FAR1: variants seen among roughly 807,000 people sequenced by gnomAD.
The protein encoded by FAR1 is male sterility domain-containing protein 2.
A neutral mutation model predicts 61.1 loss-of-function variants in FAR1; 22 were observed. The ratio of observed to expected loss-of-function variants is 0.36; its 90% CI spans 0.26 to 0.51. The LOEUF (loss-of-function observed/expected upper bound fraction) is 0.51, where lower values mean the gene tolerates loss of function less well. Ranked by LOEUF, FAR1 falls within the 20% of genes least tolerant of loss-of-function variation. The pLI, the probability that FAR1 is intolerant of heterozygous loss-of-function variation, is 0.95. For missense variants in FAR1, 359 were observed against 626.9 expected (o/e 0.57, Z 4.56); for synonymous variants, 206 against 209.7 (o/e 0.98, Z 0.15).
At chr11:13,727,193 C>T in intron 10 of FAR1, among the ~76,000 whole-genome samples, 1 of 151,968 alleles carries the variant, frequency 6.6e-6, no homozygotes, top group East Asian at 1.9e-4. Flanking sequence ...GGAAATGTAT[C>T]AGTACGTGCA....
Position 13,732,335 on chromosome 11 carries a change from G to T in FAR1, c.*3561G>T, listed in dbSNP as rs1848737502. On this transcript the variant is annotated 3_prime_UTR_variant, in exon 12 of 12. Transcript: ENST00000354817. ...CTTTGTCTTTATTAAAGAAAAATTTGAGTAACATTAAGTTTGATGTGCTCC... is the reference window on the plus strand; with the variant it reads ...CTTTGTCTTTATTAAAGAAAAATTTTAGTAACATTAAGTTTGATGTGCTCC... 6.6e-6 allele frequency: 1 copy of T among 152,106 alleles called. No individual in the cohort carries two copies. The highest frequency in any genetic ancestry group is 1.5e-5 in the Non-Finnish European group (1 of 68,012). 9.4% of individuals were successfully genotyped at this position (152,106 alleles called of 1,614,324 possible). A position where few individuals can be genotyped will look rare whatever the true frequency, so the allele number is the denominator to read the frequency against.
rs10047421 is a variant in FAR1 at position 13,679,940 on chromosome 11, G to A, written c.-8+11134G>A. The stretch of plus-strand genomic sequence containing the variant: ...TTCCTTACTACCGAGAAGTGCCTTG[G>A]GGGGAAGTATTGGGGAAAATAGGAT... On this transcript the variant is annotated intron_variant, in intron 1 of 11. Transcript: ENST00000354817. 1.6e-4 allele frequency among the ~76,000 whole-genome samples: 24 copies of A among 152,084 alleles called. No homozygotes were observed. The East Asian group carries it at 4.3e-3, about 27-fold the overall frequency.
Position 13,728,631 on chromosome 11 carries a change from G to T in FAR1, c.1405G>T (p.Gly469Cys). The change falls in exon 12 of 12, where the codon GGT becomes TGT. Residue 469 changes from glycine (G) to cysteine (C), a missense_variant. Physicochemically the swap from Gly to Cys is radical, Grantham distance 159 (BLOSUM62 -3). Transcript: ENST00000354817. The stretch of plus-strand genomic sequence containing the variant: ...TTCCAGGTTGCGGAATATACGTTAT[G>T]GTTTTAATACTATCCTTGTGATCCT... ...HLNKLRNIRY[G>C]FNTILVILIW... 6.2e-7 allele frequency: 1 copy of T among 1,611,328 alleles called. No individual in the cohort carries two copies. The highest frequency in any genetic ancestry group is 1.1e-5 in the South Asian group (1 of 90,908).
At chr11:13,670,900 T>C (rs747864711) in intron 1 of FAR1, among the ~76,000 whole-genome samples, 2 of 152,160 alleles carry the variant, frequency 1.3e-5, no homozygotes, top group African/African-American at 4.8e-5. Context: ...AAATGGGAGA[T>C]AGAGTTTCTG....
intron 1 of FAR1, among the ~76,000 whole-genome samples, chr11:13,670,947 G>A (rs1209200230): frequency 6.6e-6 from 1 of 152,202 alleles, no homozygotes; most frequent in Non-Finnish European, 1.5e-5. Context: ...AAGAGTTATA[G>A]AGTCAAGGAC....
At chr11:13,669,011 C>T (rs1015333915) in intron 1 of FAR1, among the ~76,000 whole-genome samples, 1 of 152,160 alleles carries the variant, frequency 6.6e-6, no homozygotes, top group African/African-American at 2.4e-5. Flanking sequence ...TTTGCCCCGC[C>T]GCCGCCCTTC....
At position 13,731,533 on chromosome 11, in the gene FAR1, C is replaced by A. The variant is rs1185928703; in HGVS notation, c.*2759C>A. 6.6e-6 allele frequency: 1 copy of A among 152,388 alleles called. No homozygotes were observed. The highest frequency in any genetic ancestry group is 1.5e-5 in the Non-Finnish European group (1 of 67,984). The allele number at this position is 152,388 out of a possible 1,614,324, so 9.4% of individuals were successfully genotyped here. On this transcript the variant is annotated 3_prime_UTR_variant, in exon 12 of 12. Transcript: ENST00000354817. ...TTGTATTTTTATGTTCTGAAAATTA[C>A]CCATGGAACAATATGCTTAGGATTA...
Position 13,712,124 on chromosome 11 carries a change from TA to T in FAR1, c.887+80del, listed in dbSNP as rs1447323706. ...GACATAGCTTTTGAGTAATGTTAAT[TA>T]ATCCCTCTATCCAGATATTGCCATA... On this transcript the variant is annotated intron_variant, in intron 7 of 11. Coordinates refer to ENST00000354817, the MANE Select transcript of FAR1 (RefSeq NM_032228.6). 7.1e-6 allele frequency: 7 copies of T among 992,018 alleles called. No individual in the cohort carries two copies. The East Asian group carries it at 1.7e-4, about 24-fold the overall frequency. The allele number at this position is 992,018 out of a possible 1,614,324, so 61.5% of individuals were successfully genotyped here. A position where few individuals can be genotyped will look rare whatever the true frequency, so the allele number is the denominator to read the frequency against.
chr11:13,693,239 G>GA (rs770290556), intron 1 of FAR1, among the ~76,000 whole-genome samples: 3 of 152,220 alleles, frequency 2.0e-5, no homozygotes, highest in Non-Finnish European at 4.4e-5. Flanking sequence ...GAAAGTTTAT[G>GA]AATTTGTGTT....
intron 1 of FAR1, among the ~76,000 whole-genome samples, chr11:13,678,639 A>C (rs546544172): frequency 6.6e-6 from 1 of 152,274 alleles, no homozygotes; most frequent in South Asian, 2.1e-4. Context: ...CTGGTTTAGT[A>C]ATCCTTGAGC....
At chr11:13,692,442 T>C (rs921027015) in intron 1 of FAR1, among the ~76,000 whole-genome samples, 1 of 152,174 alleles carries the variant, frequency 6.6e-6, no homozygotes, top group African/African-American at 2.4e-5. Flanking sequence ...CTGTTTAACT[T>C]TTTAAGGAAC....
chr11:13,720,303 T>C (rs1197651665), intron 9 of FAR1: 1 of 152,138 alleles, frequency 6.6e-6, no homozygotes, highest in African/African-American at 2.4e-5. Flanking sequence ...GTGTGAGATT[T>C]AAGTATGCTA....
intron 10 of FAR1, among the ~76,000 whole-genome samples, chr11:13,722,843 C>CCTCTCTCT (rs140943706): frequency 1.7e-3 from 245 of 143,106 alleles, no homozygotes; most frequent in African/African-American, 5.0e-3. Context: ...TAGATTTCTC[C>CCTCTCTCT]CTCTCTCTCT....
At chr11:13,705,726 A>T (rs527645491) in intron 3 of FAR1, among the ~76,000 whole-genome samples, 10 of 152,288 alleles carry the variant, frequency 6.6e-5, no homozygotes, top group African/African-American at 1.2e-4. Flanking sequence ...TTATTTCATT[A>T]AAAAAATTAT....
At chr11:13,685,842 G>T (rs182415881) in intron 1 of FAR1, among the ~76,000 whole-genome samples, 1 of 152,276 alleles carries the variant, frequency 6.6e-6, no homozygotes, top group East Asian at 1.9e-4. Flanking sequence ...ATTTTCTGTG[G>T]AGCAGATTTT....
At position 13,714,531 on chromosome 11, in the gene FAR1, C is replaced by G; in HGVS notation, c.978C>G (p.Phe326Leu). Residue 326 changes from phenylalanine (F) to leucine (L), a missense_variant, in exon 9 of 12, where the codon TTC (phenylalanine) becomes TTG (leucine). Physicochemically the swap from Phe to Leu is conservative, Grantham distance 22. Transcript: ENST00000354817. ...CAGAGTACCATGTAATTTCCACTTT[C>G]AAGAGGAATCCTCTCGAACAGGCCT... ...GEVEYHVIST[F>L]KRNPLEQAFR... is the part of the protein sequence containing the mutation. The G allele has an allele frequency of 6.2e-7, 1 of 1,611,152 alleles. No individual in the cohort carries two copies. Among genetic ancestry groups the G allele is most frequent in the Non-Finnish European group, 8.5e-7 (1 of 1,179,002 alleles).
intron 1 of FAR1, among the ~76,000 whole-genome samples, chr11:13,687,419 G>A (rs1445351252): frequency 1.3e-5 from 2 of 152,188 alleles, no homozygotes; most frequent in Non-Finnish European, 1.5e-5. Context: ...ATATTGCAGT[G>A]GTGCAGCTAC....
chr11:13,723,373 A>C (rs1848634056), intron 10 of FAR1: 1 of 418,222 alleles, frequency 2.4e-6, no homozygotes, highest in African/African-American at 2.1e-5. Context: ...AAAAAAAAAA[A>C]AAAAAAAAAA....
At chr11:13,701,153 T>C (rs984702246) in intron 3 of FAR1, among the ~76,000 whole-genome samples, 2 of 152,078 alleles carry the variant, frequency 1.3e-5, no homozygotes, top group Non-Finnish European at 1.5e-5. Flanking sequence ...GTTTTTATAA[T>C]GTTAATCTAA....
Sources: gnomAD v4.1 joint callset for allele counts (sites outside exome capture counted in the v4.1 genomes callset) on GRCh38, gnomAD v4.1.1 for gene constraint, MANE v1.5 for transcripts, NCBI Gene and HGNC (gene_info 2026-07-23, HGNC 2026-07-21) for gene names.